Variants in PBLD observed in about 807,000 individuals in gnomAD.
PBLD encodes phenazine biosynthesis like protein domain containing.
A neutral mutation model predicts 31.3 loss-of-function variants in PBLD; 26 were observed. The ratio of observed to expected loss-of-function variants is 0.83; its 90% confidence interval spans 0.61 to 1.15. The LOEUF (loss-of-function observed/expected upper bound fraction) is 1.15, where lower values mean the gene tolerates loss of function less well. PBLD is among the 50% of genes most tolerant of loss of function. The probability of loss-of-function intolerance (pLI) is 0.00; values close to 1 mark genes in which losing one functional copy is unlikely to be tolerated. For synonymous variants in PBLD, 114 were observed against 129.0 expected, an observed-to-expected ratio of 0.88 and a Z score of 0.79; for missense variants, 307 against 351.7, an observed-to-expected ratio of 0.87 and a Z score of 1.02.
intron 1 of PBLD, among the ~76,000 whole-genome samples, chr10:68,319,071 G>A (rs2044785111): frequency 8.4e-6 from 1 of 119,670 alleles, no homozygotes; most frequent in Non-Finnish European, 1.7e-5. Flanking sequence ...AAGAAAGAAA[G>A]AAAGAAAGAA....
intron 2 of PBLD, 173 bp from the exon 3 acceptor site, chr10:68,297,158 C>T (rs2044441164): frequency 1.6e-6 from 1 of 612,180 alleles, no homozygotes; most frequent in Non-Finnish European, 2.9e-6. Context: ...TTCTCAGAAA[C>T]CCATGCTTGC....
intron 8 of PBLD, 144 bp downstream of exon 8, chr10:68,288,339 G>A (rs529239188): frequency 1.1e-5 from 9 of 834,158 alleles, no homozygotes; most frequent in Admixed American, 3.0e-5. Flanking sequence ...TCAGTGAAGG[G>A]ATGGCAGGGA....
chr10:68,298,891 G>A (rs1204579132), intron 2 of PBLD, among the ~76,000 whole-genome samples: 2 of 151,996 alleles, frequency 1.3e-5, no homozygotes, highest in Non-Finnish European at 2.9e-5. Context: ...TGGATCACGA[G>A]GTCAGGAGTT....
At chr10:68,299,166 T>C (rs921433741) in intron 2 of PBLD, among the ~76,000 whole-genome samples, 2 of 135,104 alleles carry the variant, frequency 1.5e-5, no homozygotes, top group South Asian at 4.6e-4. Context: ...AGAAGAAAAA[T>C]CCATTTTTAA....
At position 68,284,271 on chromosome 10, in the gene PBLD, C is replaced by A; in HGVS notation, c.773G>T (p.Arg258Leu). 2.5e-6 allele frequency: 4 copies of A among 1,613,778 alleles called. No homozygotes were observed. The highest frequency in any genetic ancestry group is 3.4e-6 in the Non-Finnish European group (4 of 1,179,768). ...AAGGGAAATTCCCAGCTCTCCTCCTCGGTGGGAACACTGAAAAGCTAAAGA... is the reference window on the plus strand; with the variant it reads ...AAGGGAAATTCCCAGCTCTCCTCCTAGGTGGGAACACTGAAAAGCTAAAGA... ...KEMHAFQCSHRGGELGISLRP... is the reference protein window; with the variant it reads ...KEMHAFQCSHLGGELGISLRP... Residue 258 changes from arginine to leucine, a missense_variant, in exon 10 of 10, where the codon CGA becomes CTA. Arg to Leu is a moderately radical substitution (Grantham distance 102, BLOSUM62 -2). Transcript: ENST00000358769.
At chr10:68,318,513 C>T (rs1011624221) in intron 1 of PBLD, among the ~76,000 whole-genome samples, 18 of 147,752 alleles carry the variant, frequency 1.2e-4, no homozygotes, top group Non-Finnish European at 2.5e-4. Context: ...TAACAGAGAT[C>T]CTGTCTCTTT....
intron 1 of PBLD, among the ~76,000 whole-genome samples, chr10:68,310,118 C>T (rs1402536671): frequency 2.0e-5 from 3 of 147,404 alleles, no homozygotes; most frequent in Admixed American, 6.9e-5. Context: ...CCTGGGTGAC[C>T]GAGAGAGACT....
chr10:68,297,730 C>T (rs907445224), intron 2 of PBLD, among the ~76,000 whole-genome samples: 2 of 152,124 alleles, frequency 1.3e-5, no homozygotes, highest in African/African-American at 4.8e-5. Flanking sequence ...TATTTTTATA[C>T]CCTTACAAAT....
At chr10:68,288,823 G>T in intron 7 of PBLD, 108 bp downstream of exon 7, 1 of 1,295,422 alleles carries the variant, frequency 7.7e-7, no homozygotes. Flanking sequence ...AAACACTCTG[G>T]CTGCGTAAAT....
At chr10:68,307,466 A>G (rs935752811) in intron 1 of PBLD, among the ~76,000 whole-genome samples, 2 of 152,068 alleles carry the variant, frequency 1.3e-5, no homozygotes, top group African/African-American at 2.4e-5. Flanking sequence ...TTCTTAGAGT[A>G]GCCAGAACTA....
chr10:68,302,843 G>GAA (rs753219563), intron 2 of PBLD, among the ~76,000 whole-genome samples: 2 of 105,976 alleles, frequency 1.9e-5, no homozygotes, highest in African/African-American at 3.4e-5. Context: ...CCTGTCTCTG[G>GAA]AAAAAAAAAA....
intron 2 of PBLD, among the ~76,000 whole-genome samples, chr10:68,297,808 A>AT (rs1162947295): frequency 6.6e-6 from 1 of 152,210 alleles, no homozygotes; most frequent in African/African-American, 2.4e-5. Flanking sequence ...CAGTACAGTG[A>AT]TTAAGAATGA....
intron 4 of PBLD, among the ~76,000 whole-genome samples, chr10:68,294,447 C>T (rs1448318777): frequency 2.6e-5 from 4 of 152,220 alleles, no homozygotes; most frequent in East Asian, 1.9e-4. Flanking sequence ...CTGGCCCTGA[C>T]CCTGCTTGCC....
In PBLD at chr10:68,283,494, C is replaced by A. The variant is rs1302906900; in HGVS notation, c.*683G>T. 1 of 152,174 alleles carries A rather than the reference C, an allele frequency of 6.6e-6. No individual in the cohort carries two copies. The highest frequency in any genetic ancestry group is 1.5e-5 in the Non-Finnish European group (1 of 68,046). 9.4% of individuals were successfully genotyped at this position (152,174 alleles called of 1,614,324 possible). On this transcript the variant is annotated 3_prime_UTR_variant, in exon 10 of 10. Coordinates refer to ENST00000358769, the MANE Select transcript of PBLD (RefSeq NM_022129.4). ...TATAAAATATTTTTCTATATTTCCA[C>A]ATAGTTATTGACTCATTTTAATGGC...
chr10:68,312,122 C>T (rs958840628), intron 1 of PBLD, among the ~76,000 whole-genome samples: 4 of 152,228 alleles, frequency 2.6e-5, no homozygotes, highest in Non-Finnish European at 5.9e-5. Context: ...GTTGATTCCA[C>T]ATCTTGGCTA....
At chr10:68,317,182 G>T (rs1445975240) in intron 1 of PBLD, among the ~76,000 whole-genome samples, 1 of 152,176 alleles carries the variant, frequency 6.6e-6, no homozygotes, top group Admixed American at 6.5e-5. Flanking sequence ...AAGAACAACT[G>T]TCAACCAAGA....
At position 68,284,149 on chromosome 10, in the gene PBLD, A is replaced by G. The variant is rs2044258593; in HGVS notation, c.*28T>C. ...TAAGCAGAAAATACTTGGTGGTTAG[A>G]GACAGCAGCGTCACAGCATAACCAC... is the stretch of plus-strand genomic sequence containing the variant. On this transcript the variant is annotated 3_prime_UTR_variant, in exon 10 of 10. Coordinates refer to ENST00000358769, the MANE Select transcript of PBLD (RefSeq NM_022129.4). 1 of 1,564,856 alleles carries G rather than the reference A, an allele frequency of 6.4e-7. No homozygotes were observed. Among genetic ancestry groups the G allele is most frequent in the African/African-American group, 1.4e-5 (1 of 73,814 alleles).
intron 2 of PBLD, among the ~76,000 whole-genome samples, chr10:68,300,358 C>T (rs1035169159): frequency 1.3e-5 from 2 of 152,112 alleles, no homozygotes; most frequent in African/African-American, 2.4e-5. Flanking sequence ...CAAAGACAAA[C>T]GATTATTAAC....
At chr10:68,309,591 C>G (rs963210849) in intron 1 of PBLD, among the ~76,000 whole-genome samples, 1 of 149,084 alleles carries the variant, frequency 6.7e-6, no homozygotes, top group South Asian at 2.2e-4. Flanking sequence ...AGGCAGATCA[C>G]GAGGTCAGGA....
Sources: gnomAD v4.1 joint callset for allele counts (sites outside exome capture counted in the v4.1 genomes callset) on GRCh38, gnomAD v4.1.1 for gene constraint, MANE v1.5 for transcripts, NCBI Gene and HGNC (gene_info 2026-07-23, HGNC 2026-07-21) for gene names.